Variants in ADCY1 observed in about 807,000 individuals in gnomAD.
ADCY1 encodes the protein adenylate cyclase type 1.
A neutral mutation model predicts 105.4 loss-of-function variants in ADCY1; 28 were observed. The ratio of observed to expected loss-of-function variants is 0.27; its 90% CI spans 0.20 to 0.36. The LOEUF (loss-of-function observed/expected upper bound fraction) is 0.36, where lower values mean the gene tolerates loss of function less well. Among genes scored for constraint, ADCY1 ranks in the 10% least tolerant of loss-of-function variants. The pLI is 1.00. For missense variants in ADCY1, 977 were observed against 1,434.2 expected (o/e 0.68, Z 5.15); for synonymous variants, 655 against 623.8 (o/e 1.05, Z -0.75).
At chr7:45,624,776 G>A (rs536346545) in intron 4 of ADCY1, among the ~76,000 whole-genome samples, 6 of 152,202 alleles carry the variant, frequency 3.9e-5, no homozygotes, top group Non-Finnish European at 7.3e-5. Context: ...CCCTTCAGCA[G>A]GAAGCTGGTC....
chr7:45,676,570 A>AGCCTGGCATTTGGCACCAAGGTGAT (rs1784459105), intron 8 of ADCY1, among the ~76,000 whole-genome samples: 1 of 152,202 alleles, frequency 6.6e-6, no homozygotes, highest in Non-Finnish European at 1.5e-5. Flanking sequence ...CCTCCATGAC[A>AGCCTGGCATTTGGCACCAAGGTGAT]GCCTGGCATT....
chr7:45,664,187 G>A (rs925566786), intron 8 of ADCY1: 18 of 1,049,790 alleles, frequency 1.7e-5, no homozygotes, highest in African/African-American at 3.1e-5. Context: ...ATTTTACAAG[G>A]AAGTGCACCG....
intron 14 of ADCY1, among the ~76,000 whole-genome samples, chr7:45,688,751 A>G (rs1013341221): frequency 1.3e-5 from 2 of 152,046 alleles, no homozygotes; most frequent in Non-Finnish European, 2.9e-5. Context: ...CTTTATTGAG[A>G]TATATTTCAC....
intron 8 of ADCY1, among the ~76,000 whole-genome samples, chr7:45,668,274 A>G (rs572458878): frequency 7.2e-4 from 109 of 152,328 alleles, no homozygotes; most frequent in African/African-American, 2.4e-3. Flanking sequence ...TTTGTCATAA[A>G]TAGCTCTTAC....
At chr7:45,628,503 G>C (rs1254548914) in intron 4 of ADCY1, among the ~76,000 whole-genome samples, 1 of 152,180 alleles carries the variant, frequency 6.6e-6, no homozygotes, top group Non-Finnish European at 1.5e-5. Context: ...CTCTATCAGG[G>C]GTGGAGGGTG....
intron 4 of ADCY1, among the ~76,000 whole-genome samples, chr7:45,646,244 C>T (rs528306896): frequency 6.6e-6 from 1 of 152,078 alleles, no homozygotes; most frequent in East Asian, 1.9e-4. Context: ...GAAGGCTGTC[C>T]GGTCGCATCC....
chr7:45,675,391 CA>C (rs995155835), intron 8 of ADCY1, among the ~76,000 whole-genome samples: 15 of 152,190 alleles, frequency 9.9e-5, no homozygotes, highest in African/African-American at 3.6e-4. Flanking sequence ...ATCTTTGGTT[CA>C]ACCAGAAAAC....
At chr7:45,638,566 C>T (rs1312228058) in intron 4 of ADCY1, among the ~76,000 whole-genome samples, 14 of 145,476 alleles carry the variant, frequency 9.6e-5, no homozygotes, top group Non-Finnish European at 1.6e-4. Flanking sequence ...ATGTTTTACT[C>T]TAATCTGCCT....
At chr7:45,635,856 A>T (rs1794390161) in intron 4 of ADCY1, among the ~76,000 whole-genome samples, 1 of 151,940 alleles carries the variant, frequency 6.6e-6, no homozygotes, top group South Asian at 2.1e-4. Context: ...CAATTGGTTG[A>T]TAGAATTGTT....
At chr7:45,699,807 G>A (rs1306121787) in intron 14 of ADCY1, among the ~76,000 whole-genome samples, 1 of 152,146 alleles carries the variant, frequency 6.6e-6, no homozygotes, top group Non-Finnish European at 1.5e-5. Flanking sequence ...CCTCAGATAG[G>A]ACGAGTTCTC....
chr7:45,617,226 C>T (rs964282763), intron 3 of ADCY1, among the ~76,000 whole-genome samples: 1 of 152,202 alleles, frequency 6.6e-6, no homozygotes, highest in Non-Finnish European at 1.5e-5. Context: ...GGGGTGGGCT[C>T]CTGCAGCTGT....
intron 3 of ADCY1, among the ~76,000 whole-genome samples, chr7:45,610,774 AGGTGTGGG>A (rs2115865193): frequency 3.4e-5 from 5 of 145,084 alleles, no homozygotes; most frequent in Middle Eastern, 3.6e-3. Context: ...GTGATAGTGG[AGGTGTGGG>A]GGTGATGGTG....
rs575692933 is a variant in ADCY1, at chr7:45,697,092, A to G, written c.2455-6284A>G. On this transcript the variant is annotated intron_variant, in intron 14 of 19. Coordinates refer to ENST00000297323, the MANE Select transcript of ADCY1 (RefSeq NM_021116.4). ...CAATGTCTGACATTTTACCCTGGAA[A>G]CTTCAGTCACTGAAACTGAGCTTGA... is the stretch of plus-strand genomic sequence containing the variant. Among the ~76,000 whole-genome samples the G allele has an allele frequency of 7.2e-5, 11 of 152,306 alleles. 1 individual carries two copies. In the East Asian group the frequency reaches 9.7e-4, roughly 13 times the overall value.
At position 45,575,259 on chromosome 7, in the gene ADCY1, C is replaced by T. The variant is rs1792300221; in HGVS notation, c.639+77C>T. ...GATGCTGGGAATGCCCGGAGTCGGG[C>T]GCGCTTTTTCCTATGCGGCGGGTGG... is the stretch of plus-strand genomic sequence containing the variant. On this transcript the variant is annotated intron_variant, in intron 1 of 19. Coordinates refer to ENST00000297323, the MANE Select transcript of ADCY1 (RefSeq NM_021116.4). The surrounding 1 kb of genome is among the most constrained non-coding windows in gnomAD (Gnocchi z 4.7). 2 of 1,493,244 alleles carry T rather than the reference C, an allele frequency of 1.3e-6. No homozygotes were observed. Among genetic ancestry groups the T allele is most frequent in the Admixed American group, 4.6e-5 (2 of 43,614 alleles). 92.5% of individuals were successfully genotyped at this position (1,493,244 alleles called of 1,614,324 possible). A position where few individuals can be genotyped will look rare whatever the true frequency, so the allele number is the denominator to read the frequency against.
intron 8 of ADCY1, among the ~76,000 whole-genome samples, chr7:45,670,609 C>A (rs1249613250): frequency 6.6e-6 from 1 of 151,988 alleles, no homozygotes; most frequent in Non-Finnish European, 1.5e-5. Context: ...TGAGAGTGGA[C>A]CTGTGTCCAT....
At chr7:45,623,388 C>T (rs1445724272) in intron 4 of ADCY1, among the ~76,000 whole-genome samples, 1 of 152,208 alleles carries the variant, frequency 6.6e-6, no homozygotes, top group Non-Finnish European at 1.5e-5. Context: ...GCCAAACCTC[C>T]TTGTACAGAG....
At chr7:45,644,671 T>A (rs1304950753) in intron 4 of ADCY1, among the ~76,000 whole-genome samples, 2 of 152,332 alleles carry the variant, frequency 1.3e-5, no homozygotes, top group South Asian at 2.1e-4. Context: ...CCATCTCATC[T>A]TCTTCTTTCT....
intron 3 of ADCY1, among the ~76,000 whole-genome samples, chr7:45,613,788 C>A (rs1793656640): frequency 6.6e-6 from 1 of 152,160 alleles, no homozygotes; most frequent in South Asian, 2.1e-4. Flanking sequence ...AGTGATTTGT[C>A]ACATACAACA....
intron 4 of ADCY1, among the ~76,000 whole-genome samples, chr7:45,638,162 C>T (rs952265632): frequency 6.6e-6 from 1 of 152,190 alleles, no homozygotes; most frequent in Non-Finnish European, 1.5e-5. Context: ...CCTGGGTGAT[C>T]CTTTTTCAAA....
Sources: gnomAD v4.1 joint callset for allele counts (sites outside exome capture counted in the v4.1 genomes callset) on GRCh38, gnomAD v4.1.1 for gene constraint, Gnocchi (gnomAD v3.1) non-coding constraint, MANE v1.5 for transcripts, NCBI Gene and HGNC (gene_info 2026-07-23, HGNC 2026-07-21) for gene names.